Variants in TMEM132C observed in about 807,000 individuals in gnomAD.
TMEM132C encodes transmembrane protein 132C.
A neutral mutation model predicts 61.4 loss-of-function variants in TMEM132C; 29 were observed. The ratio of observed to expected loss-of-function variants is 0.47; its 90% CI spans 0.35 to 0.64. TMEM132C has a LOEUF of 0.64. Ranked by LOEUF, TMEM132C falls within the 30% of genes least tolerant of loss-of-function variation. The pLI, the probability that TMEM132C is intolerant of heterozygous loss-of-function variation, is 0.00. For synonymous variants in TMEM132C, 656 were observed against 633.1 expected (o/e 1.04, Z -0.54); for missense variants, 1,408 against 1,476.9 (o/e 0.95, Z 0.76).
chr12:128,680,319 G>C (rs1048727768), intron 5 of TMEM132C, among the ~76,000 whole-genome samples: 1 of 152,212 alleles, frequency 6.6e-6, no homozygotes, highest in African/African-American at 2.4e-5. Context: ...CAGCTGATTA[G>C]TAGCAGAGCC....
At chr12:128,619,657 CT>C (rs1396142763) in intron 4 of TMEM132C, among the ~76,000 whole-genome samples, 1 of 152,238 alleles carries the variant, frequency 6.6e-6, no homozygotes, top group African/African-American at 2.4e-5. Context: ...TAATCCCCTC[CT>C]CCCTGCGCTG....
intron 2 of TMEM132C, among the ~76,000 whole-genome samples, chr12:128,424,526 G>A (rs1869113324): frequency 1.3e-5 from 2 of 152,096 alleles, no homozygotes; most frequent in Admixed American, 6.5e-5. Context: ...CCTAAAATAG[G>A]CAAATCCATA....
At chr12:128,512,952 C>T (rs1034206243) in intron 2 of TMEM132C, among the ~76,000 whole-genome samples, 1 of 152,150 alleles carries the variant, frequency 6.6e-6, no homozygotes, top group African/African-American at 2.4e-5. Context: ...GAACATAGAT[C>T]TCAGCCAGGG....
chr12:128,372,910 T>C (rs1455020623), intron 1 of TMEM132C, among the ~76,000 whole-genome samples: 1 of 152,186 alleles, frequency 6.6e-6, no homozygotes, highest in African/African-American at 2.4e-5. Flanking sequence ...CACTCCATAG[T>C]GGAATTCATT....
chr12:128,291,930 G>A (rs1871258670), intron 1 of TMEM132C, among the ~76,000 whole-genome samples: 1 of 152,156 alleles, frequency 6.6e-6, no homozygotes, highest in Non-Finnish European at 1.5e-5. Flanking sequence ...GCTGACCGGA[G>A]GCAGCTTCTG....
At position 128,415,445 on chromosome 12, in the gene TMEM132C, C is replaced by A. The variant is rs1251717389; in HGVS notation, c.799C>A (p.Gln267Lys). ...GCTGGAGGAAACCACGTCCCACCTG[C>A]AGAGGATCGGCACCGTCGGCCTTTA... ...DGLEETTSHL[Q>K]RIGTVGLYRA... Residue 267 changes from glutamine to lysine, a missense_variant, in exon 2 of 9, where the codon CAG (glutamine) becomes AAG (lysine). Physicochemically the swap from Gln to Lys is moderately conservative, Grantham distance 53. Coordinates refer to ENST00000435159, the MANE Select transcript of TMEM132C (RefSeq NM_001136103.3). The surrounding 1 kb of genome is among the most constrained non-coding windows in gnomAD (Gnocchi z 5.8). The A allele has an allele frequency of 2.6e-6, 4 of 1,551,514 alleles. No homozygotes were observed. Among genetic ancestry groups the A allele is most frequent in the Non-Finnish European group, 3.5e-6 (4 of 1,146,964 alleles).
At chr12:128,638,886 G>C (rs1954122955) in intron 4 of TMEM132C, among the ~76,000 whole-genome samples, 1 of 137,590 alleles carries the variant, frequency 7.3e-6, no homozygotes, top group South Asian at 2.4e-4. Context: ...TGGTGATGAT[G>C]GTGGTGGTGA....
At chr12:128,561,507 G>A (rs1358291336) in intron 3 of TMEM132C, among the ~76,000 whole-genome samples, 1 of 152,198 alleles carries the variant, frequency 6.6e-6, no homozygotes, top group Non-Finnish European at 1.5e-5. Context: ...GGAAGCACCT[G>A]AACTTCTGTA....
chr12:128,329,916 C>T (rs956873951), intron 1 of TMEM132C, among the ~76,000 whole-genome samples: 6 of 152,308 alleles, frequency 3.9e-5, no homozygotes, highest in East Asian at 3.9e-4. Context: ...TTGTAAAATA[C>T]GGCTGCGAGG....
intron 2 of TMEM132C, among the ~76,000 whole-genome samples, chr12:128,537,121 G>A (rs1269396749): frequency 1.3e-5 from 2 of 152,206 alleles, no homozygotes; most frequent in Non-Finnish European, 2.9e-5. Flanking sequence ...AGATGACAGG[G>A]ATAGCATGAT....
At chr12:128,375,402 T>TG (rs1207960176) in intron 1 of TMEM132C, among the ~76,000 whole-genome samples, 1 of 152,112 alleles carries the variant, frequency 6.6e-6, no homozygotes, top group Non-Finnish European at 1.5e-5. Context: ...CTAGAGGCTG[T>TG]GGGGGAATCT....
At position 128,705,239 on chromosome 12, in the gene TMEM132C, T is replaced by C. The variant is rs1390373432; in HGVS notation, c.2271T>C (p.Val757=). 5 of 1,551,508 alleles carry C rather than the reference T, an allele frequency of 3.2e-6. No homozygotes were observed. Among genetic ancestry groups the C allele is most frequent in the Non-Finnish European group, 4.4e-6 (5 of 1,146,972 alleles). The change falls in exon 9 of 9, where the codon GTT becomes GTC. Residue 757 remains valine, a synonymous_variant. Transcript: ENST00000435159. ...AGCCCCGCTCTCCCAGGTGGCCCGT[T>C]GTGGTGGCCGAAGGGGAAGGCCAGG... is the stretch of plus-strand genomic sequence containing the variant. ...VPQPRSPRWP[V]VVAEGEGQGP... is the part of the protein sequence containing the mutation.
At chr12:128,642,994 GC>G (rs1190317149) in intron 4 of TMEM132C, among the ~76,000 whole-genome samples, 3 of 152,140 alleles carry the variant, frequency 2.0e-5, no homozygotes, top group Non-Finnish European at 4.4e-5. Context: ...GTCTTCTGAT[GC>G]CCGGGTCTCT....
chr12:128,419,130 A>G (rs1868886563), intron 2 of TMEM132C, among the ~76,000 whole-genome samples: 1 of 152,212 alleles, frequency 6.6e-6, no homozygotes, highest in African/African-American at 2.4e-5. Flanking sequence ...CAAAATGTGC[A>G]TGTGTGCCAA....
chr12:128,536,347 C>T (rs1026362316), intron 2 of TMEM132C, among the ~76,000 whole-genome samples: 4 of 151,942 alleles, frequency 2.6e-5, no homozygotes, highest in African/African-American at 9.7e-5. Flanking sequence ...ACAATGAGAA[C>T]ACTTGGTCAC....
In TMEM132C at chr12:128,588,956, G is replaced by A. The variant is rs571805121; in HGVS notation, c.1122-27196G>A. Among the ~76,000 whole-genome samples the A allele has an allele frequency of 3.9e-5, 6 of 152,294 alleles. No homozygotes were observed. In the East Asian group the frequency reaches 9.7e-4, roughly 25 times the overall value. On this transcript the variant is annotated intron_variant, in intron 3 of 8. Coordinates refer to ENST00000435159, the MANE Select transcript of TMEM132C (RefSeq NM_001136103.3). ...CAAACTCATGACACCGTGCAATGCCGCTGCTGATTTTATGAGACAGTCTAT... is the reference window on the plus strand; with the variant it reads ...CAAACTCATGACACCGTGCAATGCCACTGCTGATTTTATGAGACAGTCTAT...
At chr12:128,580,830 G>T (rs1222082758) in intron 3 of TMEM132C, among the ~76,000 whole-genome samples, 1 of 152,158 alleles carries the variant, frequency 6.6e-6, no homozygotes, top group African/African-American at 2.4e-5. Flanking sequence ...TTTCACCAGG[G>T]CTTCTCAGCT....
chr12:128,566,465 A>G (rs1874707769), intron 3 of TMEM132C, among the ~76,000 whole-genome samples: 1 of 152,236 alleles, frequency 6.6e-6, no homozygotes, highest in African/African-American at 2.4e-5. Context: ...TGGTTCAACC[A>G]TTACCTGAAA....
intron 1 of TMEM132C, among the ~76,000 whole-genome samples, chr12:128,301,343 C>A (rs1395997824): frequency 1.3e-5 from 2 of 152,176 alleles, no homozygotes; most frequent in Non-Finnish European, 2.9e-5. Context: ...GTGTTCAGGC[C>A]TCCCCAGTAG....
Sources: gnomAD v4.1 joint callset for allele counts (sites outside exome capture counted in the v4.1 genomes callset) on GRCh38, gnomAD v4.1.1 for gene constraint, Gnocchi (gnomAD v3.1) non-coding constraint, MANE v1.5 for transcripts, NCBI Gene and HGNC (gene_info 2026-07-23, HGNC 2026-07-21) for gene names.